ADAR: variants seen among roughly 807,000 people sequenced by gnomAD.
ADAR encodes the protein adenosine deaminase RNA specific, also known as double-stranded RNA-specific adenosine deaminase.
In ADAR, 41 loss-of-function variants were observed where a neutral mutation model predicts 113.2. The ratio of observed to expected loss-of-function variants is 0.36; its 90% CI spans 0.28 to 0.47. ADAR has a LOEUF of 0.47. Ranked by LOEUF, ADAR falls within the 20% of genes least tolerant of loss-of-function variation. The probability of loss-of-function intolerance (pLI) is 1.00; values close to 1 mark genes in which losing one functional copy is unlikely to be tolerated. For missense variants in ADAR, 1,242 were observed against 1,540.9 expected, an observed-to-expected ratio of 0.81 and a Z score of 3.25; for synonymous variants, 605 against 572.6, an observed-to-expected ratio of 1.06 and a Z score of -0.81.
At chr1:154,585,127 G>A in intron 14 of ADAR, 84 bp from the exon 15 acceptor site, 2 of 1,611,938 alleles carry the variant, frequency 1.2e-6, no homozygotes, top group Middle Eastern at 1.6e-4. Flanking sequence ...AGGGGAGGCG[G>A]CTCTCAAGCC....
chr1:154,607,544 A>G (rs1348084534), intron 1 of ADAR, among the ~76,000 whole-genome samples: 1 of 152,118 alleles, frequency 6.6e-6, no homozygotes, highest in Admixed American at 6.6e-5. Flanking sequence ...GGGGTTCCAC[A>G]AGGGGCCCTA....
chr1:154,587,101 C>T (rs1430075918), intron 11 of ADAR, among the ~76,000 whole-genome samples: 1 of 152,174 alleles, frequency 6.6e-6, no homozygotes, highest in East Asian at 1.9e-4. Flanking sequence ...TTCATCGCTC[C>T]AAAAAGAAAC....
chr1:154,590,516 C>G, intron 6 of ADAR, 107 bp from the exon 7 acceptor site: 1 of 1,058,696 alleles, frequency 9.4e-7, no homozygotes, highest in Non-Finnish European at 1.5e-6. Context: ...ACATATGGAC[C>G]CGTCAAACAG....
intron 9 of ADAR, among the ~76,000 whole-genome samples, chr1:154,589,164 G>A (rs569580470): frequency 4.6e-5 from 7 of 152,330 alleles, no homozygotes; most frequent in South Asian, 2.1e-4. Context: ...AAAACAGGCC[G>A]AGCAGTGGGA....
At chr1:154,610,808 CAAAAAAAAAAAAAAAGAAAAA>C (rs1325119094), upstream of ADAR, among the ~76,000 whole-genome samples, 3 of 40,554 alleles carry the variant, frequency 7.4e-5, no homozygotes, top group African/African-American at 1.0e-4. Context: ...GACACCGTCT[CAAAAAAAAAAAAAAAGAAAAA>C]AAAAAAAAAA....
At chr1:154,590,544 G>C in intron 6 of ADAR, 135 bp from the exon 7 acceptor site, 1 of 826,170 alleles carries the variant, frequency 1.2e-6, no homozygotes, top group South Asian at 1.4e-5. Context: ...TTCTAAGGCA[G>C]CATTTCCTAG....
rs114752504 is a variant in ADAR, at chr1:154,588,886, C to T, written c.2763-213G>A. Among the ~76,000 whole-genome samples the T allele has an allele frequency of 4.0e-3, 611 of 152,314 alleles. 5 individuals are homozygous for T. The highest frequency in any genetic ancestry group is 0.014 in the African/African-American group (570 of 41,552). ...TCCTTCATTTCTGCTGAGGGCTCCT[C>T]GCTATGGCGGCTACAGGGATTCTAG... On this transcript the variant is annotated intron_variant, in intron 9 of 14. Coordinates refer to ENST00000368474, the MANE Select transcript of ADAR (RefSeq NM_001111.5).
intron 6 of ADAR, 98 bp downstream of exon 6, chr1:154,596,707 C>G (rs1357355779): frequency 6.9e-7 from 1 of 1,439,500 alleles, no homozygotes; most frequent in African/African-American, 1.4e-5. Flanking sequence ...CAACTCGCCC[C>G]TTCTGTCCTA....
At chr1:154,611,782 C>CTTATTAAAAACCACCTAAATGAT, upstream of ADAR, among the ~76,000 whole-genome samples, 1 of 152,176 alleles carries the variant, frequency 6.6e-6, no homozygotes, top group Admixed American at 6.5e-5. Context: ...CCTAGGTCTA[C>CTTATTAAAAACCACCTAAATGAT]TTATTAAAAA....
Position 154,602,294 on chromosome 1 carries a change from C to G in ADAR, c.348G>C (p.Arg116Ser). 1.2e-6 allele frequency: 2 copies of G among 1,614,028 alleles called. No individual in the cohort carries two copies. Among genetic ancestry groups the G allele is most frequent in the Non-Finnish European group, 1.7e-6 (2 of 1,179,946 alleles). The change falls in exon 2 of 15, where the codon AGG (arginine) becomes AGC (serine). Residue 116 changes from arginine (R) to serine (S), a missense_variant. Arg to Ser is a moderately radical substitution (Grantham distance 110, BLOSUM62 -1). Coordinates refer to ENST00000368474, the MANE Select transcript of ADAR (RefSeq NM_001111.5). ...RGFQHPSPRG[R>S]SLPQRGVDCL... ...AATCAACACCTCTCTGTGGCAGACT[C>G]CTGCCACGTGGTGAAGGATGCTGGA... is the stretch of plus-strand genomic sequence containing the variant.
rs748430309 is a variant in ADAR at position 154,589,813 on chromosome 1, G to T, written c.2612C>A (p.Ala871Asp). Residue 871 changes from alanine (A) to aspartate (D), a missense_variant, in exon 8 of 15, where the codon GCC (alanine) becomes GAC (aspartate). By Grantham distance (126) the Ala-to-Asp change is moderately radical. Coordinates refer to ENST00000368474, the MANE Select transcript of ADAR (RefSeq NM_001111.5). ...PSLLGRKILAAIIMKKDSEDM... is the reference protein window; with the variant it reads ...PSLLGRKILADIIMKKDSEDM... ...CTCAGAGTCTTTTTTCATAATGATG[G>T]CGGCCAGAATCTTGCGGCCGAGCAA... is the stretch of plus-strand genomic sequence containing the variant. 6.2e-7 allele frequency: 1 copy of T among 1,614,042 alleles called. No homozygotes were observed. The highest frequency in any genetic ancestry group is 1.7e-5 in the Admixed American group (1 of 60,008).
At chr1:154,588,445 G>A in intron 10 of ADAR, 106 bp downstream of exon 10, 1 of 1,543,516 alleles carries the variant, frequency 6.5e-7, no homozygotes, top group Non-Finnish European at 8.9e-7. Flanking sequence ...ACAGTGGAGT[G>A]TGGCTTATTG....
intron 4 of ADAR, 24 bp downstream of exon 4, chr1:154,597,804 G>A: frequency 6.2e-7 from 1 of 1,613,858 alleles, no homozygotes; most frequent in Non-Finnish European, 8.5e-7. Context: ...AACCTCAGCT[G>A]GACAGAGGAC....
At chr1:154,588,323 A>T in intron 10 of ADAR, 65 bp from the exon 11 acceptor site, 1 of 1,611,322 alleles carries the variant, frequency 6.2e-7, no homozygotes, top group Non-Finnish European at 8.5e-7. Flanking sequence ...GGGGCTCCAA[A>T]ACAGTCAGAT....
chr1:154,585,696 A>T, intron 13 of ADAR, 57 bp downstream of exon 13: 1 of 1,444,526 alleles, frequency 6.9e-7, no homozygotes, highest in Non-Finnish European at 9.7e-7. Flanking sequence ...TCCTCTGTTT[A>T]CATGACTGCT....
chr1:154,588,327 G>A lies in ADAR; in HGVS notation c.2886-69C>T, dbSNP rs903672123. 3.7e-6 allele frequency: 6 copies of A among 1,608,848 alleles called. No homozygotes were observed. In the Admixed American group the frequency reaches 1.0e-4, roughly 27 times the overall value. Reference sequence around the variant, plus strand: ...TGCAATTTCGTGGGGCTCCAAAACAGTCAGATGTGACAGAAGCAAGGGATG... The same window carrying A: ...TGCAATTTCGTGGGGCTCCAAAACAATCAGATGTGACAGAAGCAAGGGATG... On this transcript the variant is annotated intron_variant, in intron 10 of 14. Transcript: ENST00000368474.
At chr1:154,587,517 G>A (rs1196889630) in intron 11 of ADAR, among the ~76,000 whole-genome samples, 2 of 152,178 alleles carry the variant, frequency 1.3e-5, no homozygotes, top group Admixed American at 6.5e-5. Context: ...ATACCTAGGA[G>A]TGGAGCACCG....
chr1:154,602,273 A>G lies in ADAR; in HGVS notation c.369T>C (p.Val123=). 3 of 1,614,186 alleles carry G rather than the reference A, an allele frequency of 1.9e-6. 1 individual carries two copies. Among genetic ancestry groups the G allele is most frequent in the Non-Finnish European group, 2.5e-6 (3 of 1,180,028 alleles). Residue 123 remains valine (V), a synonymous_variant, in exon 2 of 15, where the codon GTT becomes GTC. Coordinates refer to ENST00000368474, the MANE Select transcript of ADAR (RefSeq NM_001111.5). ...PRGRSLPQRG[V]DCLSSHFQEL... is the part of the protein sequence containing the mutation. ...CCTGGAAATGTGAGGAAAGGCAATC[A>G]ACACCTCTCTGTGGCAGACTCCTGC... is the stretch of plus-strand genomic sequence containing the variant.
At chr1:154,608,238 AGAG>A (rs1698336206), upstream of ADAR, 1 of 537,568 alleles carries the variant, frequency 1.9e-6, no homozygotes, top group Non-Finnish European at 3.2e-6. Context: ...AGTTTGGCCA[AGAG>A]GAGGGGCTTG....
Sources: gnomAD v4.1 joint callset for allele counts (sites outside exome capture counted in the v4.1 genomes callset) on GRCh38, gnomAD v4.1.1 for gene constraint, MANE v1.5 for transcripts, NCBI Gene and HGNC (gene_info 2026-07-23, HGNC 2026-07-21) for gene names.